WFDC2: variants seen among roughly 807,000 people sequenced by gnomAD.
WFDC2 encodes the protein WAP four-disulfide core domain 2, also known as WAP four-disulfide core domain protein 2.
A neutral mutation model predicts 12.5 loss-of-function variants in WFDC2; 8 were observed. The ratio of observed to expected loss-of-function variants is 0.64; its 90% CI spans 0.37 to 1.15. WFDC2 has a LOEUF of 1.15. Ranked by LOEUF, WFDC2 falls within the 50% of genes most tolerant of loss-of-function variation. WFDC2 has a pLI of 0.01. For missense variants in WFDC2, 166 were observed against 159.9 expected (o/e 1.04, Z -0.21); for synonymous variants, 74 against 67.2 (o/e 1.10, Z -0.49).
Position 45,470,056 on chromosome 20 carries a change from G to A in WFDC2, c.79+196G>A, listed in dbSNP as rs562266762. ...GAGACCACTGATGGCTGCAATTTGG[G>A]AGGATTCTGTGCTGAACGCGGACAC... On this transcript the variant is annotated intron_variant, in intron 1 of 3. Transcript: ENST00000372676. The surrounding 1 kb of genome is among the most constrained non-coding windows in gnomAD (Gnocchi z 5.4). 1.3e-5 allele frequency among the ~76,000 whole-genome samples: 2 copies of A among 152,320 alleles called. No individual in the cohort carries two copies. Among genetic ancestry groups the A allele is most frequent in the Admixed American group, 6.5e-5 (1 of 15,308 alleles).
chr20:45,478,992 G>A (rs555133499), intron 2 of WFDC2, among the ~76,000 whole-genome samples: 1 of 152,304 alleles, frequency 6.6e-6, no homozygotes, highest in South Asian at 2.1e-4. Context: ...CATATTTATA[G>A]CAGCTTTATT....
At chr20:45,478,299 C>T (rs551820731) in intron 2 of WFDC2, among the ~76,000 whole-genome samples, 18 of 152,230 alleles carry the variant, frequency 1.2e-4, no homozygotes, top group African/African-American at 4.3e-4. Flanking sequence ...TGTAGGCACC[C>T]AAAGGAATCT....
chr20:45,470,447 G>A lies in WFDC2; in HGVS notation c.138G>A (p.Thr46=). 1 of 1,594,622 alleles carries A rather than the reference G, an allele frequency of 6.3e-7. No individual in the cohort carries two copies. Residue 46 remains threonine (T), a synonymous_variant, in exon 2 of 4, where the codon ACG becomes ACA. Coordinates refer to ENST00000372676, the MANE Select transcript of WFDC2 (RefSeq NM_006103.4). The surrounding 1 kb of genome is among the most constrained non-coding windows in gnomAD (Gnocchi z 5.4). The stretch of plus-strand genomic sequence containing the variant: ...AGCTCCAGGCTGACCAGAACTGCAC[G>A]CAAGAGTGCGTCTCGGACAGCGAAT... ...CPELQADQNC[T]QECVSDSECA...
chr20:45,479,695 A>G, intron 2 of WFDC2: 1 of 1,614,058 alleles, frequency 6.2e-7, no homozygotes, highest in Admixed American at 1.7e-5. Context: ...TTCTGGCCCT[A>G]GGCCACGAAG....
intron 2 of WFDC2, among the ~76,000 whole-genome samples, chr20:45,471,715 G>A (rs1352976644): frequency 6.6e-6 from 1 of 152,160 alleles, no homozygotes; most frequent in Non-Finnish European, 1.5e-5. Flanking sequence ...AGTCTTTGCT[G>A]TTTGATGGAT....
intron 2 of WFDC2, chr20:45,479,705 G>T: frequency 2.5e-6 from 4 of 1,614,048 alleles, no homozygotes; most frequent in Non-Finnish European, 3.4e-6. Context: ...AGGCCACGAA[G>T]GCCCACTTGG....
In WFDC2 at chr20:45,480,197, A is replaced by G. The variant is rs530430021; in HGVS notation, c.*1+103A>G. ...GTGAAGGGAGGTTAGTTGCAGGGACAGTTGGGAAAGGTATACCAGTGGGGT... is the reference window on the plus strand; with the variant it reads ...GTGAAGGGAGGTTAGTTGCAGGGACGGTTGGGAAAGGTATACCAGTGGGGT... On this transcript the variant is annotated intron_variant, in intron 3 of 3. Transcript: ENST00000372676. 4.7e-4 allele frequency: 712 copies of G among 1,523,684 alleles called. 1 individual carries two copies. Among genetic ancestry groups the G allele is most frequent in the Admixed American group, 8.1e-4 (44 of 54,608 alleles). The allele number at this position is 1,523,684 out of a possible 1,614,324, so 94.4% of individuals were successfully genotyped here. A position where few individuals can be genotyped will look rare whatever the true frequency, so the allele number is the denominator to read the frequency against.
At chr20:45,477,504 C>A (rs367909698) in intron 2 of WFDC2, among the ~76,000 whole-genome samples, 16 of 152,248 alleles carry the variant, frequency 1.1e-4, no homozygotes, top group African/African-American at 2.9e-4. Context: ...CCAGCAGAGG[C>A]TGCAGAACAG....
intron 2 of WFDC2, among the ~76,000 whole-genome samples, chr20:45,476,926 G>T (rs1178291923): frequency 6.6e-6 from 1 of 150,476 alleles, no homozygotes; most frequent in Non-Finnish European, 1.5e-5. Context: ...TCATTAAATT[G>T]ATCTTCAATC....
intron 2 of WFDC2, chr20:45,471,019 A>T: frequency 2.5e-6 from 1 of 407,164 alleles, no homozygotes; most frequent in South Asian, 1.8e-5. Context: ...AACTTTACAG[A>T]TTTAGGAAAA....
At chr20:45,478,018 G>C (rs1428393104) in intron 2 of WFDC2, among the ~76,000 whole-genome samples, 1 of 152,190 alleles carries the variant, frequency 6.6e-6, no homozygotes, top group East Asian at 1.9e-4. Flanking sequence ...CCCCTACCAA[G>C]CTTGAGAGTT....
At chr20:45,478,484 G>A (rs1991260797) in intron 2 of WFDC2, among the ~76,000 whole-genome samples, 1 of 152,124 alleles carries the variant, frequency 6.6e-6, no homozygotes, top group African/African-American at 2.4e-5. Flanking sequence ...CCCTCCGTGG[G>A]CTGCACCCAC....
At chr20:45,479,554 C>T (rs761212985) in intron 2 of WFDC2, 7 of 1,000,358 alleles carry the variant, frequency 7.0e-6, no homozygotes, top group Non-Finnish European at 1.1e-5. Flanking sequence ...TATAATTTCT[C>T]ATAACTACAG....
Position 45,470,594 on chromosome 20 carries a change from A to C in WFDC2, c.223+62A>C. 1 of 1,496,014 alleles carries C rather than the reference A, an allele frequency of 6.7e-7. No individual in the cohort carries two copies. The highest frequency in any genetic ancestry group is 1.3e-5 in the South Asian group (1 of 76,498). The allele number at this position is 1,496,014 out of a possible 1,614,324, so 92.7% of individuals were successfully genotyped here. ...CCGCGCTGGGCTGGGAGGAGGTGGG[A>C]GGGCCCGGGTTCCGGGAACAGGGGC... On this transcript the variant is annotated intron_variant, in intron 2 of 3. Transcript: ENST00000372676. The surrounding 1 kb of genome is among the most constrained non-coding windows in gnomAD (Gnocchi z 5.4).
Position 45,470,607 on chromosome 20 carries a change from C to G in WFDC2, c.223+75C>G, listed in dbSNP as rs1251030917. ...GGAGGAGGTGGGAGGGCCCGGGTTC[C>G]GGGAACAGGGGCGCCCCCGGACCCG... On this transcript the variant is annotated intron_variant, in intron 2 of 3. Coordinates refer to ENST00000372676, the MANE Select transcript of WFDC2 (RefSeq NM_006103.4). This position sits in a 1 kb window ranked among gnomAD's most constrained non-coding sequence, Gnocchi z 5.4. The G allele has an allele frequency of 1.3e-6, 2 of 1,481,612 alleles. No individual in the cohort carries two copies. The highest frequency in any genetic ancestry group is 1.4e-5 in the African/African-American group (1 of 71,446). The allele number at this position is 1,481,612 out of a possible 1,614,324, so 91.8% of individuals were successfully genotyped here.
At chr20:45,478,164 G>A (rs547351575) in intron 2 of WFDC2, among the ~76,000 whole-genome samples, 52 of 152,202 alleles carry the variant, frequency 3.4e-4, no homozygotes, top group Middle Eastern at 3.4e-3. Flanking sequence ...TTCCAGGGGC[G>A]TGAATGGTTC....
rs540599276 is a variant in WFDC2, at chr20:45,478,358, C to T, written c.224-1584C>T. 3.3e-5 allele frequency among the ~76,000 whole-genome samples: 5 copies of T among 152,154 alleles called. 1 individual carries two copies. The highest frequency in any genetic ancestry group is 7.3e-5 in the Non-Finnish European group (5 of 68,040). On this transcript the variant is annotated intron_variant, in intron 2 of 3. Transcript: ENST00000372676. Reference sequence around the variant, plus strand: ...CGTGGGAAAAGTGTAGTATCTGCTCCAGAGTGCACTATTCCTCACGGCACA... The same window carrying T: ...CGTGGGAAAAGTGTAGTATCTGCTCTAGAGTGCACTATTCCTCACGGCACA...
chr20:45,480,793 C>T (rs1468597534), intron 3 of WFDC2, among the ~76,000 whole-genome samples: 1 of 151,998 alleles, frequency 6.6e-6, no homozygotes, highest in African/African-American at 2.4e-5. Flanking sequence ...CTCTTGGTGC[C>T]CGAGAGGGAA....
intron 2 of WFDC2, among the ~76,000 whole-genome samples, chr20:45,473,836 G>A (rs1253248198): frequency 6.6e-6 from 1 of 152,084 alleles, no homozygotes; most frequent in African/African-American, 2.4e-5. Context: ...TTTTCCATTT[G>A]TTTGTATCCT....
Sources: allele counts gnomAD v4.1 joint callset (sites outside exome capture counted in the v4.1 genomes callset), GRCh38; gene constraint gnomAD v4.1.1; non-coding constraint Gnocchi (gnomAD v3.1); transcripts MANE v1.5; gene names NCBI Gene and HGNC (gene_info 2026-07-23, HGNC 2026-07-21).